Variants in ATXN1 observed in about 807,000 individuals in gnomAD.
ATXN1 encodes ataxin-1.
In ATXN1, 8 loss-of-function variants were observed where a neutral mutation model predicts 56.4. That is an observed-to-expected ratio of 0.14 (90% confidence interval 0.08 to 0.26). ATXN1 has a LOEUF of 0.26. ATXN1 is among the 10% of genes least tolerant of loss of function. The pLI is 1.00. For missense variants in ATXN1, 987 were observed against 1,106.5 expected, an observed-to-expected ratio of 0.89 and a Z score of 1.53; for synonymous variants, 514 against 494.6, an observed-to-expected ratio of 1.04 and a Z score of -0.52.
At chr6:16,674,051 T>TATA (rs559330521) in intron 2 of ATXN1, among the ~76,000 whole-genome samples, 2 of 151,830 alleles carry the variant, frequency 1.3e-5, no homozygotes, top group Non-Finnish European at 2.9e-5. Flanking sequence ...CTAACGTGTT[T>TATA]TATATATATA....
chr6:16,694,043 C>T (rs1390812160), intron 2 of ATXN1, among the ~76,000 whole-genome samples: 4 of 152,120 alleles, frequency 2.6e-5, no homozygotes, highest in African/African-American at 9.7e-5. Context: ...ATTTAATCTA[C>T]CTAAGATGCC....
At chr6:16,357,953 A>G (rs1761725137) in intron 6 of ATXN1, among the ~76,000 whole-genome samples, 2 of 152,178 alleles carry the variant, frequency 1.3e-5, no homozygotes, top group Non-Finnish European at 2.9e-5. Flanking sequence ...AACATACAGG[A>G]ACTCTCCTGA....
At chr6:16,462,807 C>T (rs1279181861) in intron 6 of ATXN1, among the ~76,000 whole-genome samples, 3 of 152,116 alleles carry the variant, frequency 2.0e-5, no homozygotes, top group African/African-American at 7.2e-5. Flanking sequence ...CAACTTCAAG[C>T]CCCAAATGAT....
chr6:16,610,912 T>C (rs965987724), intron 3 of ATXN1, among the ~76,000 whole-genome samples: 5 of 150,296 alleles, frequency 3.3e-5, no homozygotes, highest in African/African-American at 7.3e-5. Flanking sequence ...GTGCCTGTAG[T>C]CCCAGCTACT....
chr6:16,664,581 A>T (rs1050564735), intron 2 of ATXN1, among the ~76,000 whole-genome samples: 18 of 152,060 alleles, frequency 1.2e-4, no homozygotes, highest in African/African-American at 3.4e-4. Flanking sequence ...GTGTATTGTA[A>T]ATCTATGAGG....
At chr6:16,392,642 C>G (rs1758378927) in intron 6 of ATXN1, among the ~76,000 whole-genome samples, 1 of 151,898 alleles carries the variant, frequency 6.6e-6, no homozygotes, top group South Asian at 2.1e-4. Flanking sequence ...ATTACAGGCG[C>G]CCGCCACCAC....
At chr6:16,356,242 C>T (rs528401422) in intron 6 of ATXN1, among the ~76,000 whole-genome samples, 1 of 152,270 alleles carries the variant, frequency 6.6e-6, no homozygotes, top group Non-Finnish European at 1.5e-5. Flanking sequence ...AGTAAAAAAT[C>T]GTGGCACAGG....
intron 6 of ATXN1, among the ~76,000 whole-genome samples, chr6:16,420,002 G>A (rs1486477186): frequency 3.9e-5 from 6 of 152,234 alleles, no homozygotes; most frequent in Non-Finnish European, 8.8e-5. Context: ...TACAAAGACT[G>A]GGGATGGGGA....
chr6:16,310,769 G>C (rs755615562), intron 7 of ATXN1, among the ~76,000 whole-genome samples: 1 of 152,190 alleles, frequency 6.6e-6, no homozygotes, highest in Non-Finnish European at 1.5e-5. Context: ...TTACAGGCGT[G>C]AGCCACCGTG....
chr6:16,378,068 T>A (rs1762178830), intron 6 of ATXN1, among the ~76,000 whole-genome samples: 1 of 152,190 alleles, frequency 6.6e-6, no homozygotes, highest in Non-Finnish European at 1.5e-5. Context: ...CTCGTTCATA[T>A]CCTCCTGGCC....
At chr6:16,757,511 C>G (rs184425792) in intron 1 of ATXN1, among the ~76,000 whole-genome samples, 16 of 152,328 alleles carry the variant, frequency 1.1e-4, no homozygotes, top group Admixed American at 2.0e-4. Flanking sequence ...ATTTTAACTA[C>G]AGCAGTGCTT....
intron 6 of ATXN1, among the ~76,000 whole-genome samples, chr6:16,407,568 G>T (rs1372253571): frequency 6.6e-6 from 1 of 152,220 alleles, no homozygotes. Context: ...AATTCAATTA[G>T]ATATTAAAAG....
At chr6:16,353,450 G>A (rs1442454190) in intron 6 of ATXN1, among the ~76,000 whole-genome samples, 2 of 152,064 alleles carry the variant, frequency 1.3e-5, no homozygotes, top group African/African-American at 4.8e-5. Flanking sequence ...TGAGGTGGGC[G>A]GATCTTGGGG....
intron 3 of ATXN1, among the ~76,000 whole-genome samples, chr6:16,592,642 C>A (rs1762742881): frequency 6.6e-6 from 1 of 152,112 alleles, no homozygotes; most frequent in African/African-American, 2.4e-5. Context: ...AAAGCACCCA[C>A]GTCTCCTAGC....
At chr6:16,605,633 T>C (rs1762991319) in intron 3 of ATXN1, among the ~76,000 whole-genome samples, 1 of 152,200 alleles carries the variant, frequency 6.6e-6, no homozygotes, top group African/African-American at 2.4e-5. Context: ...GTTAAGCAAC[T>C]TTTGGATCAT....
In ATXN1 at chr6:16,607,251, G is replaced by A. The variant is rs75661547; in HGVS notation, c.-488-21344C>T. Among the ~76,000 whole-genome samples the A allele has an allele frequency of 8.2e-3, 1,248 of 152,310 alleles. 10 individuals carry two copies. The highest frequency in any genetic ancestry group is 0.029 in the African/African-American group (1,207 of 41,562). On this transcript the variant is annotated intron_variant, in intron 3 of 7. Transcript: ENST00000436367. The stretch of plus-strand genomic sequence containing the variant: ...CTTGGGAAAGTTATACCCTCTCTAA[G>A]CCTCAGTTTCTACATCTGTGAAGTG...
chr6:16,556,309 C>G (rs1310547385), intron 4 of ATXN1, among the ~76,000 whole-genome samples: 1 of 152,146 alleles, frequency 6.6e-6, no homozygotes, highest in Non-Finnish European at 1.5e-5. Context: ...CTCGTTTCTT[C>G]CATCCCATTC....
intron 6 of ATXN1, among the ~76,000 whole-genome samples, chr6:16,395,772 C>T (rs1178749195): frequency 2.0e-5 from 3 of 152,106 alleles, no homozygotes; most frequent in Non-Finnish European, 2.9e-5. Flanking sequence ...AATCCCAGCA[C>T]TTTGGGAGGC....
intron 3 of ATXN1, among the ~76,000 whole-genome samples, chr6:16,591,249 G>A (rs879560071): frequency 8.5e-5 from 13 of 152,074 alleles, no homozygotes; most frequent in Admixed American, 1.3e-4. Context: ...GAGCCACAGT[G>A]CCCAGCTGTA....
Sources: gnomAD v4.1 joint callset for allele counts (sites outside exome capture counted in the v4.1 genomes callset) on GRCh38, gnomAD v4.1.1 for gene constraint, MANE v1.5 for transcripts, NCBI Gene and HGNC (gene_info 2026-07-23, HGNC 2026-07-21) for gene names.